Variants in JARID2 observed in about 807,000 individuals in gnomAD.
JARID2 encodes the protein protein Jumonji.
JARID2 carries 21 observed loss-of-function variants against 125.6 expected under a neutral mutation model. The ratio of observed to expected loss-of-function variants is 0.17; its 90% confidence interval spans 0.12 to 0.24. JARID2 has a LOEUF of 0.24. Among genes scored for constraint, JARID2 ranks in the 10% least tolerant of loss-of-function variants. JARID2 has a pLI of 1.00. For synonymous variants in JARID2, 736 were observed against 661.6 expected (o/e 1.11, Z -1.73); for missense variants, 1,303 against 1,639.6 (o/e 0.79, Z 3.55).
chr6:15,349,314 G>T (rs928824629), intron 1 of JARID2, among the ~76,000 whole-genome samples: 7 of 152,158 alleles, frequency 4.6e-5, no homozygotes, highest in Non-Finnish European at 8.8e-5. Context: ...AATTTTGTGG[G>T]CAGGTAAGTT....
At chr6:15,286,586 C>T (rs1008448563) in intron 1 of JARID2, among the ~76,000 whole-genome samples, 2 of 150,300 alleles carry the variant, frequency 1.3e-5, no homozygotes, top group African/African-American at 4.9e-5. Flanking sequence ...GCTGGCAGAG[C>T]GTGGTGGCTC....
At chr6:15,260,771 G>A (rs1296756889) in intron 1 of JARID2, among the ~76,000 whole-genome samples, 3 of 152,186 alleles carry the variant, frequency 2.0e-5, no homozygotes, top group Non-Finnish European at 2.9e-5. Flanking sequence ...GGAAAGCATT[G>A]GGAGGTGGGG....
At chr6:15,443,447 C>A (rs1030175909) in intron 3 of JARID2, among the ~76,000 whole-genome samples, 3 of 152,068 alleles carry the variant, frequency 2.0e-5, no homozygotes, top group African/African-American at 7.2e-5. Flanking sequence ...ATTGTGATAT[C>A]TTTCTAAAAT....
intron 1 of JARID2, among the ~76,000 whole-genome samples, chr6:15,302,005 T>G (rs1370023038): frequency 6.6e-6 from 1 of 152,238 alleles, no homozygotes; most frequent in Admixed American, 6.5e-5. Flanking sequence ...TATAGCTCTT[T>G]GGACATAGGA....
At position 15,291,687 on chromosome 6, in the gene JARID2, A is replaced by G. The variant is rs114054671; in HGVS notation, c.45+45103A>G. On this transcript the variant is annotated intron_variant, in intron 1 of 17. Coordinates refer to ENST00000341776, the MANE Select transcript of JARID2 (RefSeq NM_004973.4). ...CGTCTCTTGCACGGTGCCTACATGC[A>G]TATTCTAAAATGTTGTTTTCTCTAG... is the stretch of plus-strand genomic sequence containing the variant. Among the ~76,000 whole-genome samples, 399 of 152,336 alleles carry G rather than the reference A, an allele frequency of 2.6e-3. 2 individuals are homozygous for G. The highest frequency in any genetic ancestry group is 8.9e-3 in the African/African-American group (372 of 41,570).
intron 1 of JARID2, among the ~76,000 whole-genome samples, chr6:15,278,334 C>T (rs527955516): frequency 7.2e-5 from 11 of 152,272 alleles, no homozygotes; most frequent in African/African-American, 2.4e-4. Context: ...TGCCTGTAAT[C>T]CCAGCACTTT....
chr6:15,298,291 C>T (rs1043363911), intron 1 of JARID2, among the ~76,000 whole-genome samples: 15 of 152,234 alleles, frequency 9.9e-5, no homozygotes, highest in Admixed American at 2.0e-4. Context: ...AAAATATTTT[C>T]GCGAGAAATG....
chr6:15,370,647 G>C (rs773908065), intron 1 of JARID2, among the ~76,000 whole-genome samples: 1 of 152,038 alleles, frequency 6.6e-6, no homozygotes, highest in Non-Finnish European at 1.5e-5. Context: ...GGCCATATCT[G>C]GGCTGTTTTT....
chr6:15,477,414 C>T (rs1769396797), intron 5 of JARID2, among the ~76,000 whole-genome samples: 1 of 151,370 alleles, frequency 6.6e-6, no homozygotes, highest in African/African-American at 2.4e-5. Context: ...GTGATATTCT[C>T]TTTACCTCTT....
intron 8 of JARID2, among the ~76,000 whole-genome samples, chr6:15,503,800 G>A (rs370874648): frequency 2.0e-4 from 31 of 152,320 alleles, no homozygotes; most frequent in East Asian, 1.7e-3. Flanking sequence ...ACCACATTTC[G>A]TGTGGTAGGT....
intron 16 of JARID2, among the ~76,000 whole-genome samples, chr6:15,515,758 A>AAC (rs1561920587): frequency 6.6e-6 from 1 of 150,900 alleles, no homozygotes; most frequent in African/African-American, 2.4e-5. Context: ...CTTTAAAAAA[A>AAC]AAAAACAAAA....
intron 4 of JARID2, among the ~76,000 whole-genome samples, chr6:15,458,414 T>C (rs1319396864): frequency 1.3e-5 from 2 of 152,150 alleles, no homozygotes; most frequent in African/African-American, 2.4e-5. Flanking sequence ...GAGAGTGTTA[T>C]TATGGGGAGT....
chr6:15,330,672 C>G (rs2127454847), intron 1 of JARID2, among the ~76,000 whole-genome samples: 1 of 152,324 alleles, frequency 6.6e-6, no homozygotes, highest in South Asian at 2.1e-4. Context: ...ATTTTGAACA[C>G]TTCACAGAAT....
chr6:15,305,063 A>G (rs1475290509), intron 1 of JARID2, among the ~76,000 whole-genome samples: 1 of 152,182 alleles, frequency 6.6e-6, no homozygotes, highest in Non-Finnish European at 1.5e-5. Context: ...GGGAGCCAGC[A>G]CAAGTCTGGG....
At chr6:15,410,092 A>C (rs1765814842) in intron 2 of JARID2, 132 bp from the exon 3 acceptor site, 1 of 763,640 alleles carries the variant, frequency 1.3e-6, no homozygotes, top group Non-Finnish European at 2.0e-6. Context: ...TTCAAAAGGG[A>C]TGTGTGCTTT....
At chr6:15,410,127 T>C in intron 2 of JARID2, 97 bp from the exon 3 acceptor site, 4 of 1,137,762 alleles carry the variant, frequency 3.5e-6, no homozygotes, top group Non-Finnish European at 5.0e-6. Flanking sequence ...TCCACATTCT[T>C]GTCTGTCTTC....
intron 3 of JARID2, among the ~76,000 whole-genome samples, chr6:15,429,721 A>C (rs944503320): frequency 6.6e-6 from 1 of 152,112 alleles, no homozygotes; most frequent in Non-Finnish European, 1.5e-5. Flanking sequence ...TGTTTTTTTG[A>C]AGTGTTAGGA....
intron 3 of JARID2, among the ~76,000 whole-genome samples, chr6:15,427,774 G>C (rs1766794073): frequency 6.6e-6 from 1 of 152,114 alleles, no homozygotes; most frequent in African/African-American, 2.4e-5. Flanking sequence ...AAAGGCACTA[G>C]ATGCTGGAAT....
At chr6:15,265,342 T>G (rs943535988) in intron 1 of JARID2, among the ~76,000 whole-genome samples, 32 of 148,834 alleles carry the variant, frequency 2.2e-4, no homozygotes, top group African/African-American at 8.0e-4. Flanking sequence ...TCTGTAGTTC[T>G]GCATCCCAAA....
Sources: allele counts gnomAD v4.1 joint callset (sites outside exome capture counted in the v4.1 genomes callset), GRCh38; gene constraint gnomAD v4.1.1; transcripts MANE v1.5; gene names NCBI Gene and HGNC (gene_info 2026-07-23, HGNC 2026-07-21).